Variants in PPARGC1B observed in about 807,000 individuals in gnomAD.
PPARGC1B encodes peroxisome proliferator-activated receptor gamma coactivator 1-beta.
In PPARGC1B, 34 loss-of-function variants were observed where a neutral mutation model predicts 101.6. The observed-to-expected ratio is 0.33, with a 90% CI of 0.25 to 0.45. The LOEUF (loss-of-function observed/expected upper bound fraction) is 0.45. PPARGC1B is among the 20% of genes least tolerant of loss of function. The pLI is 1.00. For synonymous variants in PPARGC1B, 548 were observed against 539.3 expected (o/e 1.02, Z -0.22); for missense variants, 1,234 against 1,317.6 (o/e 0.94, Z 0.98).
chr5:149,800,117 C>CAACTCCTT (rs1251283121), intron 1 of PPARGC1B, among the ~76,000 whole-genome samples: 2 of 152,124 alleles, frequency 1.3e-5, no homozygotes, highest in Non-Finnish European at 2.9e-5. Flanking sequence ...CATGCCTAAC[C>CAACTCCTT]AACTCCTTAT....
rs17572019 is a variant in PPARGC1B at position 149,832,908 on chromosome 5, G to A, written c.835G>A (p.Val279Ile). The A allele has an allele frequency of 0.081, 129,900 of 1,613,074 alleles. 5,688 individuals carry two copies. The highest frequency in any genetic ancestry group is 0.15 in the Admixed American group (8,848 of 60,000). The change falls in exon 5 of 12, where the codon GTT becomes ATT. Residue 279 changes from valine to isoleucine, a missense_variant. Physicochemically the swap from Val to Ile is conservative, Grantham distance 29. This residue lies in a region of PPARGC1B where 734 missense variants were observed against 768.4 expected (regional missense o/e 0.96). Transcript: ENST00000309241. The surrounding 1 kb of genome is among the most constrained non-coding windows in gnomAD (Gnocchi z 4.9). Reference sequence around the variant, plus strand: ...GGGCAGGGCAGACCCCGGTGCCCCGGTTTCCCAGGAAGACATGCAGGCGAT... The same window carrying A: ...GGGCAGGGCAGACCCCGGTGCCCCGATTTCCCAGGAAGACATGCAGGCGAT... ...ALGRADPGAP[V>I]SQEDMQAMVQ...
downstream of PPARGC1B, among the ~76,000 whole-genome samples, chr5:149,857,650 A>G (rs142807236): frequency 1.9e-3 from 282 of 152,284 alleles, 1 homozygote; most frequent in Middle Eastern, 0.014. Context: ...TGCAAACATG[A>G]GCAGGGCCCA....
Position 149,750,453 on chromosome 5 carries a change from AATATATATATATATATATAT to A in PPARGC1B, c.78+20050_78+20069del, listed in dbSNP as rs55971526. ...TAGCTGTCTTCTCTGTTTTAGTTAA[AATATATATATATATATATAT>A]ATATATATATATATATGTTAATAGG... On this transcript the variant is annotated intron_variant, in intron 1 of 11. Coordinates refer to ENST00000309241, the MANE Select transcript of PPARGC1B (RefSeq NM_133263.4). Among the ~76,000 whole-genome samples the A allele has an allele frequency of 1.5e-3, 187 of 123,228 alleles. 6 individuals are homozygous for A. Among genetic ancestry groups the A allele is most frequent in the African/African-American group, 2.0e-3 (64 of 32,090 alleles). The allele number at this position is 123,228 out of a possible 152,430, so 80.8% of individuals were successfully genotyped here. A position where few individuals can be genotyped will look rare whatever the true frequency, so the allele number is the denominator to read the frequency against.
chr5:149,840,153 G>A lies in PPARGC1B; in HGVS notation c.2694+37G>A. On this transcript the variant is annotated intron_variant, in intron 9 of 11. Coordinates refer to ENST00000309241, the MANE Select transcript of PPARGC1B (RefSeq NM_133263.4). ...GGGGGCCCAGAGCCTGGAGTGAATG[G>A]GAACGGACAGGAAGTGTGTGGGGGC... 1.9e-6 allele frequency: 3 copies of A among 1,580,808 alleles called. No individual in the cohort carries two copies. In the South Asian group the frequency reaches 3.5e-5, roughly 18 times the overall value.
Position 149,836,515 on chromosome 5 carries a change from G to A in PPARGC1B, c.2060G>A (p.Cys687Tyr). 1 of 1,614,070 alleles carries A rather than the reference G, an allele frequency of 6.2e-7. No individual in the cohort carries two copies. Among genetic ancestry groups the A allele is most frequent in the Non-Finnish European group, 8.5e-7 (1 of 1,180,048 alleles). The change falls in exon 8 of 12, where the codon TGT becomes TAT. Residue 687 changes from cysteine to tyrosine, a missense_variant. Cys to Tyr is a radical substitution (Grantham distance 194, BLOSUM62 -2). This residue lies in a region of PPARGC1B where 497 missense variants were observed against 529.5 expected (regional missense o/e 0.94). Transcript: ENST00000309241. ...GCTGGCCAGAAGCGTCCCTTCTCCTGTTCCTTTGGAGACCATGACTACTGC... is the reference window on the plus strand; with the variant it reads ...GCTGGCCAGAAGCGTCCCTTCTCCTATTCCTTTGGAGACCATGACTACTGC... ...SQAGQKRPFS[C>Y]SFGDHDYCQV...
intron 1 of PPARGC1B, among the ~76,000 whole-genome samples, chr5:149,782,925 G>A (rs1390779537): frequency 3.3e-5 from 5 of 152,228 alleles, no homozygotes; most frequent in South Asian, 2.1e-4. Flanking sequence ...TGGGACAGAG[G>A]TAGGGAGCAG....
chr5:149,730,547 G>T lies in PPARGC1B; in HGVS notation c.78+127G>T. ...GTAACTGGGGGTTCCAGGCTGCAGA[G>T]CCCCCCTTCCAGGCGCCCTGCGATG... On this transcript the variant is annotated intron_variant, in intron 1 of 11. Transcript: ENST00000309241. This position sits in a 1 kb window ranked among gnomAD's most constrained non-coding sequence, Gnocchi z 4.0. The T allele has an allele frequency of 1.5e-6, 1 of 677,240 alleles. No individual in the cohort carries two copies. The highest frequency in any genetic ancestry group is 2.3e-6 in the Non-Finnish European group (1 of 431,098). The allele number at this position is 677,240 out of a possible 1,614,324, so 42.0% of individuals were successfully genotyped here.
intron 1 of PPARGC1B, among the ~76,000 whole-genome samples, chr5:149,809,166 C>G (rs868054129): frequency 9.4e-5 from 5 of 53,128 alleles, no homozygotes; most frequent in Non-Finnish European, 1.2e-4. Flanking sequence ...TAGATAGATC[C>G]ATCTCTACCA....
intron 1 of PPARGC1B, among the ~76,000 whole-genome samples, chr5:149,787,432 T>A (rs1400233607): frequency 1.3e-5 from 2 of 152,226 alleles, no homozygotes; most frequent in Non-Finnish European, 2.9e-5. Context: ...TCTCCACTTT[T>A]ATATTAAACA....
intron 2 of PPARGC1B, among the ~76,000 whole-genome samples, chr5:149,825,221 A>G (rs1758468317): frequency 6.6e-6 from 1 of 152,222 alleles, no homozygotes; most frequent in African/African-American, 2.4e-5. Context: ...CTTATGGTTC[A>G]TCTGTGCATG....
intron 1 of PPARGC1B, among the ~76,000 whole-genome samples, chr5:149,751,939 A>C (rs1755323952): frequency 6.6e-6 from 1 of 152,190 alleles, no homozygotes; most frequent in Non-Finnish European, 1.5e-5. Flanking sequence ...CCTCCTTTAT[A>C]AAATGGGAAC....
chr5:149,738,403 A>G (rs1302997741), intron 1 of PPARGC1B, among the ~76,000 whole-genome samples: 1 of 152,220 alleles, frequency 6.6e-6, no homozygotes, highest in Non-Finnish European at 1.5e-5. Flanking sequence ...GTGAATGAAT[A>G]TGCTAGACTA....
At chr5:149,745,992 TA>T (rs1755074740) in intron 1 of PPARGC1B, among the ~76,000 whole-genome samples, 1 of 152,114 alleles carries the variant, frequency 6.6e-6, no homozygotes, top group African/African-American at 2.4e-5. Context: ...TCAGGCCCCT[TA>T]AAGATCAGAG....
chr5:149,776,069 AC>A (rs1268157677), intron 1 of PPARGC1B, among the ~76,000 whole-genome samples: 1 of 152,130 alleles, frequency 6.6e-6, no homozygotes, highest in Non-Finnish European at 1.5e-5. Context: ...ATACCAAGAT[AC>A]CACCTCTTTT....
rs551515128 is a variant in PPARGC1B, at chr5:149,844,511, T to A, written c.2817-1249T>A. 4.6e-5 allele frequency among the ~76,000 whole-genome samples: 7 copies of A among 152,316 alleles called. No individual in the cohort carries two copies. In the South Asian group the frequency reaches 1.5e-3, roughly 32 times the overall value. On this transcript the variant is annotated intron_variant, in intron 10 of 11. Coordinates refer to ENST00000309241, the MANE Select transcript of PPARGC1B (RefSeq NM_133263.4). Reference sequence around the variant, plus strand: ...AAAATTACCCGGGCGTGGTGGCACATGCCTGTAATCTCAGCTACTCAGGAG... The same window carrying A: ...AAAATTACCCGGGCGTGGTGGCACAAGCCTGTAATCTCAGCTACTCAGGAG...
At chr5:149,746,599 C>G (rs1041938207) in intron 1 of PPARGC1B, among the ~76,000 whole-genome samples, 2 of 152,160 alleles carry the variant, frequency 1.3e-5, no homozygotes, top group Non-Finnish European at 2.9e-5. Context: ...GACTTCAACC[C>G]ATTTGGGTAT....
chr5:149,795,025 C>T (rs543731082), intron 1 of PPARGC1B, among the ~76,000 whole-genome samples: 1 of 152,206 alleles, frequency 6.6e-6, no homozygotes, highest in Admixed American at 6.5e-5. Flanking sequence ...CAGCTAGATT[C>T]TCCATAAGAG....
chr5:149,825,724 T>C (rs1416970141), intron 2 of PPARGC1B, among the ~76,000 whole-genome samples: 3 of 152,220 alleles, frequency 2.0e-5, no homozygotes, highest in Non-Finnish European at 4.4e-5. Flanking sequence ...CTCCACGTGC[T>C]GTTTATCACC....
In PPARGC1B at chr5:149,854,010, C is replaced by T. The variant is rs1156861161; in HGVS notation, c.*6452C>T. On this transcript the variant is annotated 3_prime_UTR_variant, in exon 12 of 12. Coordinates refer to ENST00000309241, the MANE Select transcript of PPARGC1B (RefSeq NM_133263.4). ...TGTTGAAACCAACACGAGCCCTCTC[C>T]CCAACCCCAGGTTTCTAAAGAAGGT... The T allele has an allele frequency of 1.3e-5, 2 of 152,190 alleles. No individual in the cohort carries two copies. The highest frequency in any genetic ancestry group is 2.4e-5 in the African/African-American group (1 of 41,426). 9.4% of individuals were successfully genotyped at this position (152,190 alleles called of 1,614,324 possible). A position where few individuals can be genotyped will look rare whatever the true frequency, so the allele number is the denominator to read the frequency against.
Sources: gnomAD v4.1 joint callset for allele counts (sites outside exome capture counted in the v4.1 genomes callset) on GRCh38, gnomAD v4.1.1 for gene constraint, gnomAD v4.1.1 regional missense constraint, Gnocchi (gnomAD v3.1) non-coding constraint, MANE v1.5 for transcripts, NCBI Gene and HGNC (gene_info 2026-07-23, HGNC 2026-07-21) for gene names.